AFG2A: variants seen among roughly 807,000 people sequenced by gnomAD.
AFG2A encodes AAA ATPase AFG2A.
At chr4:122,938,858 G>A in the AFG2A span, among the ~76,000 whole-genome samples, 1 of 152,062 alleles carries the variant, frequency 6.6e-6, no homozygotes, top group East Asian at 1.9e-4. Context: ...GCCTTCCAAA[G>A]TGCTGGGATT....
chr4:123,012,313 G>A, the AFG2A span, among the ~76,000 whole-genome samples: 2 of 146,250 alleles, frequency 1.4e-5, no homozygotes, highest in South Asian at 4.5e-4. Context: ...CCAGGAAAGT[G>A]GAGAAGGGGT....
At chr4:123,199,664 G>A in the AFG2A span, among the ~76,000 whole-genome samples, 1 of 151,900 alleles carries the variant, frequency 6.6e-6, no homozygotes, top group African/African-American at 2.4e-5. Flanking sequence ...TAGAGACGGG[G>A]TTTCGCCATG....
At chr4:123,056,575 G>T in the AFG2A span, 2 of 515,120 alleles carry the variant, frequency 3.9e-6, no homozygotes, top group Non-Finnish European at 3.1e-6. Flanking sequence ...TTTTCTTCAG[G>T]TAAATATTAT....
the AFG2A span, among the ~76,000 whole-genome samples, chr4:123,104,096 G>A: frequency 2.6e-5 from 4 of 152,246 alleles, no homozygotes; most frequent in African/African-American, 7.2e-5. Flanking sequence ...CACTTTGCAA[G>A]TAGTGTATTT....
At chr4:123,028,064 C>T in the AFG2A span, 6 of 768,454 alleles carry the variant, frequency 7.8e-6, no homozygotes, top group East Asian at 2.7e-5. Flanking sequence ...AAGGATTTTC[C>T]TGATTCTTAA....
the AFG2A span, among the ~76,000 whole-genome samples, chr4:122,948,262 A>G: frequency 0.034 from 5,116 of 152,040 alleles, 278 homozygotes; most frequent in African/African-American, 0.12. Context: ...TGTGTAGTCT[A>G]TATGCAAGTA....
chr4:123,090,522 G>C, the AFG2A span: 1 of 1,580,326 alleles, frequency 6.3e-7, no homozygotes, highest in Non-Finnish European at 8.6e-7. Flanking sequence ...AAAATTAATA[G>C]ATAATAGTAT....
At chr4:123,272,451 G>A in the AFG2A span, among the ~76,000 whole-genome samples, 1 of 152,180 alleles carries the variant, frequency 6.6e-6, no homozygotes, top group Non-Finnish European at 1.5e-5. Context: ...CTATATGGCT[G>A]TACAAATTGG....
At chr4:122,942,960 A>C in the AFG2A span, among the ~76,000 whole-genome samples, 1 of 151,906 alleles carries the variant, frequency 6.6e-6, no homozygotes, top group Non-Finnish European at 1.5e-5. Context: ...TGAGTTTCTT[A>C]ATCCTGAGTT....
At chr4:123,136,397 G>C in the AFG2A span, among the ~76,000 whole-genome samples, 4 of 151,922 alleles carry the variant, frequency 2.6e-5, no homozygotes, top group Admixed American at 6.6e-5. Flanking sequence ...GGCCAGGTGC[G>C]GTGGCTCACC....
the AFG2A span, among the ~76,000 whole-genome samples, chr4:122,969,522 A>T: frequency 4.6e-5 from 7 of 152,106 alleles, no homozygotes; most frequent in African/African-American, 1.7e-4. Context: ...TATTTTTTTA[A>T]AAAAATGGTC....
At chr4:123,110,960 A>G in the AFG2A span, among the ~76,000 whole-genome samples, 4 of 152,160 alleles carry the variant, frequency 2.6e-5, no homozygotes, top group Non-Finnish European at 4.4e-5. Flanking sequence ...CTTTTTATCC[A>G]TACTTTATTT....
At chr4:122,968,271 A>C in the AFG2A span, among the ~76,000 whole-genome samples, 1 of 152,130 alleles carries the variant, frequency 6.6e-6, no homozygotes, top group African/African-American at 2.4e-5. Flanking sequence ...CACTTTTTAC[A>C]TACTTTTTTA....
At chr4:123,016,990 C>T in the AFG2A span, among the ~76,000 whole-genome samples, 9 of 152,166 alleles carry the variant, frequency 5.9e-5, no homozygotes, top group East Asian at 1.9e-4. Context: ...GGCGTGGTGG[C>T]GCACGCCTGC....
At chr4:122,923,240 C>T in the AFG2A span, 1 of 1,614,230 alleles carries the variant, frequency 6.2e-7, no homozygotes, top group East Asian at 2.2e-5. Flanking sequence ...GCACGGGCTC[C>T]TTCTGCTGGA....
At chr4:123,153,084 A>G in the AFG2A span, among the ~76,000 whole-genome samples, 2 of 152,224 alleles carry the variant, frequency 1.3e-5, no homozygotes, top group African/African-American at 4.8e-5. Context: ...TTCTTCCATT[A>G]TCTCAGTGGG....
the AFG2A span, among the ~76,000 whole-genome samples, chr4:123,084,394 A>AT: frequency 2.0e-5 from 3 of 151,614 alleles, no homozygotes; most frequent in African/African-American, 7.3e-5. Context: ...CTTAGTATTG[A>AT]TTTTAGATCT....
chr4:123,111,832 G>A, the AFG2A span, among the ~76,000 whole-genome samples: 15,942 of 151,956 alleles, frequency 0.1, 941 homozygotes, highest in Middle Eastern at 0.2. Flanking sequence ...TGCCTTCTGG[G>A]TTCAAGTCAT....
chr4:123,037,092 A>G, the AFG2A span, among the ~76,000 whole-genome samples: 2 of 152,062 alleles, frequency 1.3e-5, no homozygotes, highest in Admixed American at 6.6e-5. Context: ...TAAAAACTTC[A>G]TTTGAATTGT....
Sources: allele counts gnomAD v4.1 joint callset (sites outside exome capture counted in the v4.1 genomes callset), GRCh38; gene constraint gnomAD v4.1.1; transcripts MANE v1.5; gene names NCBI Gene and HGNC (gene_info 2026-07-23, HGNC 2026-07-21).